Variants in CALN1 observed in about 807,000 individuals in gnomAD.
CALN1 encodes the protein calcium-binding protein 8.
Under a neutral mutation model 30.6 loss-of-function variants are expected in CALN1, and 17 were observed. That is an observed-to-expected ratio of 0.56 (90% CI 0.38 to 0.83). The LOEUF (loss-of-function observed/expected upper bound fraction) is 0.83, where lower values mean the gene tolerates loss of function less well. Among genes scored for constraint, CALN1 ranks in the 40% least tolerant of loss-of-function variants. The pLI is 0.00. For synonymous variants in CALN1, 156 were observed against 131.4 expected (o/e 1.19, Z -1.28); for missense variants, 291 against 354.9 (o/e 0.82, Z 1.45).
intron 3 of CALN1, among the ~76,000 whole-genome samples, chr7:72,240,648 C>T (rs774888984): frequency 2.0e-5 from 3 of 152,222 alleles, no homozygotes; most frequent in African/African-American, 2.4e-5. Context: ...AAACTACCCT[C>T]ATCTTCAGAA....
chr7:71,863,183 T>TGGGTG, intron 5 of CALN1, among the ~76,000 whole-genome samples: 2 of 152,094 alleles, frequency 1.3e-5, no homozygotes, highest in Admixed American at 1.3e-4. Flanking sequence ...TGCTTGGGCC[T>TGGGTG]GGGAGATGGA....
At chr7:71,916,545 T>A (rs144482703) in intron 5 of CALN1, among the ~76,000 whole-genome samples, 2 of 152,086 alleles carry the variant, frequency 1.3e-5, no homozygotes, top group African/African-American at 2.4e-5. Context: ...TGGAGGCCAT[T>A]ATCCTCAGCA....
chr7:72,278,007 C>CTGGG (rs1562829603), intron 3 of CALN1, among the ~76,000 whole-genome samples: 1 of 29,872 alleles, frequency 3.3e-5, no homozygotes, highest in Non-Finnish European at 6.4e-5. Flanking sequence ...ATCCTCTATT[C>CTGGG]CGGGGGGGGG....
At chr7:72,001,238 G>C (rs1335513758) in intron 5 of CALN1, among the ~76,000 whole-genome samples, 2 of 151,964 alleles carry the variant, frequency 1.3e-5, no homozygotes, top group East Asian at 1.9e-4. Context: ...ATTGGTTGTA[G>C]CCAGCATCAG....
At position 71,826,927 on chromosome 7, in the gene CALN1, T is replaced by A. The variant is rs1025082579; in HGVS notation, c.502-16435A>T. On this transcript the variant is annotated intron_variant, in intron 5 of 6. Transcript: ENST00000395275. ...TAGGTTGCTATGGTGCCTGGAGATGTCTATTTCTTATAAAGCACAGCCCTG... is the reference window on the plus strand; with the variant it reads ...TAGGTTGCTATGGTGCCTGGAGATGACTATTTCTTATAAAGCACAGCCCTG... 2.0e-5 allele frequency among the ~76,000 whole-genome samples: 3 copies of A among 152,162 alleles called. 1 individual carries two copies. The highest frequency in any genetic ancestry group is 2.4e-5 in the African/African-American group (1 of 41,448).
chr7:72,359,834 G>A (rs1010795496), intron 2 of CALN1, among the ~76,000 whole-genome samples: 3 of 151,734 alleles, frequency 2.0e-5, no homozygotes, highest in Admixed American at 1.3e-4. Flanking sequence ...AAAATTAGCC[G>A]GACGTGGTGG....
At chr7:71,915,621 C>A (rs1440609497) in intron 5 of CALN1, among the ~76,000 whole-genome samples, 1 of 152,170 alleles carries the variant, frequency 6.6e-6, no homozygotes, top group African/African-American at 2.4e-5. Context: ...GTAGTTCCCG[C>A]TACTCAGGAG....
chr7:72,257,884 T>A (rs1357919082), intron 3 of CALN1, among the ~76,000 whole-genome samples: 3 of 152,118 alleles, frequency 2.0e-5, no homozygotes, highest in African/African-American at 7.2e-5. Flanking sequence ...AAATACTGTG[T>A]TTTCTCACTT....
the CALN1 span, among the ~76,000 whole-genome samples, chr7:72,499,798 C>T: frequency 1.9e-5 from 1 of 52,102 alleles, no homozygotes; most frequent in Non-Finnish European, 3.4e-5. Flanking sequence ...TCCTTCCTTC[C>T]TTCCTTCCTT....
chr7:72,451,203 AAGAAGAAGG>A (rs1808649930), upstream of CALN1, among the ~76,000 whole-genome samples: 1 of 121,760 alleles, frequency 8.2e-6, no homozygotes, highest in South Asian at 2.7e-4. Context: ...GAAGAAGAAG[AAGAAGAAGG>A]AGGAGGAGGA....
intron 3 of CALN1, among the ~76,000 whole-genome samples, chr7:72,118,405 G>A (rs1202070275): frequency 2.0e-5 from 3 of 152,294 alleles, no homozygotes; most frequent in African/African-American, 7.2e-5. Context: ...CTCAGGTCAT[G>A]AAAAGTATTT....
rs367870326 is a variant in CALN1 at position 71,950,916 on chromosome 7, C to T, written c.501+72741G>A. Among the ~76,000 whole-genome samples, 34 of 152,330 alleles carry T rather than the reference C, an allele frequency of 2.2e-4. 1 individual carries two copies. The South Asian group carries it at 6.6e-3, about 30-fold the overall frequency. Reference sequence around the variant, plus strand: ...AGTTCTTCATAAAGCCGGCTCCACCCTGTCATTCCTTTCCTAGCCATTTCA... The same window carrying T: ...AGTTCTTCATAAAGCCGGCTCCACCTTGTCATTCCTTTCCTAGCCATTTCA... On this transcript the variant is annotated intron_variant, in intron 5 of 6. Transcript: ENST00000395275.
At chr7:72,311,052 C>T (rs1800010573) in intron 2 of CALN1, among the ~76,000 whole-genome samples, 1 of 152,062 alleles carries the variant, frequency 6.6e-6, no homozygotes, top group African/African-American at 2.4e-5. Flanking sequence ...TTCTCTCCTG[C>T]ATCCCTTCCC....
At chr7:71,847,850 A>AAGGAGAAGG (rs1448496062) in intron 5 of CALN1, among the ~76,000 whole-genome samples, 3 of 150,828 alleles carry the variant, frequency 2.0e-5, no homozygotes, top group Admixed American at 6.6e-5. Context: ...GGAGAAGGAG[A>AAGGAGAAGG]AGAAGAAGAG....
chr7:71,831,299 TG>T (rs1367864209), intron 5 of CALN1, among the ~76,000 whole-genome samples: 1 of 152,028 alleles, frequency 6.6e-6, no homozygotes, highest in African/African-American at 2.4e-5. Context: ...GCCAAGATGG[TG>T]AAACCCCGTC....
chr7:71,798,691 G>A (rs1022503580), intron 6 of CALN1, among the ~76,000 whole-genome samples: 1 of 141,946 alleles, frequency 7.0e-6, no homozygotes, highest in Non-Finnish European at 1.5e-5. Context: ...GTGTGATCTC[G>A]GCTCACTGCA....
Position 72,205,555 on chromosome 7 carries a change from T to TATACATATATAC in CALN1, c.244+73130_244+73131insGTATATATGTAT, listed in dbSNP as rs1489760031. 1.7e-4 allele frequency among the ~76,000 whole-genome samples: 18 copies of TATACATATATAC among 107,914 alleles called. 4 individuals are homozygous for TATACATATATAC. In the East Asian group the frequency reaches 5.0e-3, roughly 30 times the overall value. The allele number at this position is 107,914 out of a possible 152,430, so 70.8% of individuals were successfully genotyped here. A position where few individuals can be genotyped will look rare whatever the true frequency, so the allele number is the denominator to read the frequency against. Reference sequence around the variant, plus strand: ...TTCTCCTGATTGCAAAAAAAAAATATATATATATATATGTATATATATATA... The same window carrying TATACATATATAC: ...TTCTCCTGATTGCAAAAAAAAAATATATACATATATACATATATATATATGTATATATATATA... On this transcript the variant is annotated intron_variant, in intron 3 of 6. Transcript: ENST00000395275.
intron 5 of CALN1, among the ~76,000 whole-genome samples, chr7:71,875,632 G>T (rs1792198932): frequency 6.6e-6 from 1 of 152,156 alleles, no homozygotes; most frequent in Non-Finnish European, 1.5e-5. Context: ...CAGATCCTCT[G>T]CTCAGCCATC....
At chr7:72,127,496 T>C (rs1483606016) in intron 3 of CALN1, among the ~76,000 whole-genome samples, 1 of 152,186 alleles carries the variant, frequency 6.6e-6, no homozygotes, top group African/African-American at 2.4e-5. Flanking sequence ...GCTACTGGAC[T>C]ATCCTGAGAG....
Sources: allele counts gnomAD v4.1 joint callset (sites outside exome capture counted in the v4.1 genomes callset), GRCh38; gene constraint gnomAD v4.1.1; transcripts MANE v1.5; gene names NCBI Gene and HGNC (gene_info 2026-07-23, HGNC 2026-07-21).